The following NFIA variants were observed in gnomAD, a reference collection of about 807,000 sequenced individuals.
NFIA encodes nuclear factor 1 A-type.
A neutral mutation model predicts 62.8 loss-of-function variants in NFIA; 8 were observed. That is an observed-to-expected ratio of 0.13 (90% CI 0.07 to 0.23). The LOEUF (loss-of-function observed/expected upper bound fraction) is 0.23. NFIA is among the 10% of genes least tolerant of loss of function. The pLI is 1.00. For synonymous variants in NFIA, 235 were observed against 238.1 expected (o/e 0.99, Z 0.12); for missense variants, 410 against 642.1 (o/e 0.64, Z 3.91).
intron 3 of NFIA, among the ~76,000 whole-genome samples, chr1:61,303,539 C>T (rs1047111226): frequency 9.2e-5 from 14 of 152,090 alleles, no homozygotes; most frequent in Admixed American, 7.9e-4. Context: ...TGAGGGAGTG[C>T]GACACACAGA....
chr1:61,177,432 G>A (rs1409376671), intron 2 of NFIA, among the ~76,000 whole-genome samples: 3 of 152,124 alleles, frequency 2.0e-5, no homozygotes, highest in Non-Finnish European at 4.4e-5. Context: ...TCGTGATTTT[G>A]AAAAGTAATA....
At chr1:61,298,257 C>T (rs575842022) in intron 3 of NFIA, among the ~76,000 whole-genome samples, 6 of 152,184 alleles carry the variant, frequency 3.9e-5, no homozygotes, top group South Asian at 2.1e-4. Context: ...TGCCTGCCAC[C>T]GTGTAAGATG....
chr1:61,345,490 G>A (rs980528346), intron 4 of NFIA, among the ~76,000 whole-genome samples: 5 of 151,498 alleles, frequency 3.3e-5, no homozygotes, highest in African/African-American at 9.8e-5. Flanking sequence ...CTTCCTGGTG[G>A]TATGGTGAGG....
intron 2 of NFIA, among the ~76,000 whole-genome samples, chr1:61,106,100 C>CATCTATCT (rs58274631): frequency 0.07 from 10,371 of 149,108 alleles, 473 homozygotes; most frequent in African/African-American, 0.13. Flanking sequence ...CTCTCTCATG[C>CATCTATCT]ATCTATCTAT....
At chr1:61,455,237 G>A in intron 10 of NFIA, 66 bp from the exon 11 acceptor site, 2 of 1,582,200 alleles carry the variant, frequency 1.3e-6, no homozygotes, top group South Asian at 1.1e-5. Flanking sequence ...GGTTGAAAAG[G>A]CAACTTCTAA....
chr1:61,152,412 CTT>C (rs1202898371), intron 2 of NFIA, among the ~76,000 whole-genome samples: 3 of 152,186 alleles, frequency 2.0e-5, no homozygotes, highest in Non-Finnish European at 4.4e-5. Context: ...TTGTGTAAAA[CTT>C]TACCTCATTG....
intron 2 of NFIA, among the ~76,000 whole-genome samples, chr1:61,199,104 A>G (rs1391684984): frequency 2.0e-5 from 3 of 151,944 alleles, no homozygotes; most frequent in Non-Finnish European, 1.5e-5. Flanking sequence ...CCTTCAGTAG[A>G]ATTCTAAAGA....
intron 2 of NFIA, among the ~76,000 whole-genome samples, chr1:61,160,230 G>A (rs1649099465): frequency 3.3e-5 from 5 of 152,154 alleles, no homozygotes; most frequent in Admixed American, 3.3e-4. Flanking sequence ...CTTGACCTAG[G>A]TTAGTGCTCT....
chr1:61,396,691 T>C (rs924050293), intron 7 of NFIA, among the ~76,000 whole-genome samples: 2 of 152,012 alleles, frequency 1.3e-5, no homozygotes, highest in African/African-American at 2.4e-5. Context: ...ATGCTCAGAT[T>C]GTGGTGTGGT....
intron 3 of NFIA, among the ~76,000 whole-genome samples, chr1:61,327,124 A>G (rs1453307278): frequency 6.7e-6 from 1 of 148,462 alleles, no homozygotes; most frequent in African/African-American, 2.5e-5. Context: ...ATATTTTTTC[A>G]TTTTAATAGT....
At chr1:61,146,658 A>C (rs1164132765) in intron 2 of NFIA, among the ~76,000 whole-genome samples, 1 of 151,702 alleles carries the variant, frequency 6.6e-6, no homozygotes, top group East Asian at 1.9e-4. Context: ...TGTGTAAGTG[A>C]CTCCATGATC....
intron 2 of NFIA, among the ~76,000 whole-genome samples, chr1:61,197,692 C>T (rs905767301): frequency 1.3e-5 from 2 of 151,874 alleles, no homozygotes; most frequent in Non-Finnish European, 2.9e-5. Context: ...TTAGAAACAG[C>T]AGACGTAGGC....
At chr1:61,312,473 C>T (rs757299117) in intron 3 of NFIA, among the ~76,000 whole-genome samples, 8 of 151,750 alleles carry the variant, frequency 5.3e-5, no homozygotes, top group Non-Finnish European at 8.8e-5. Context: ...TGCTGACCTT[C>T]TCCCCAATGT....
In NFIA at chr1:61,458,133, G is replaced by T. The variant is rs1209483024; in HGVS notation, c.*2813G>T. 1 of 151,288 alleles carries T rather than the reference G, an allele frequency of 6.6e-6. No homozygotes were observed. Among genetic ancestry groups the T allele is most frequent in the African/African-American group, 2.4e-5 (1 of 41,146 alleles). 9.4% of individuals were successfully genotyped at this position (151,288 alleles called of 1,614,324 possible). ...TTCCTATAGCCAGCCAGCATACTTT[G>T]CCTTCCCCTATAGCACTTAGCTGGG... On this transcript the variant is annotated 3_prime_UTR_variant, in exon 11 of 11. Coordinates refer to ENST00000403491, the MANE Select transcript of NFIA (RefSeq NM_001134673.4).
chr1:61,203,728 C>T (rs1030558530), intron 2 of NFIA, among the ~76,000 whole-genome samples: 2 of 152,124 alleles, frequency 1.3e-5, no homozygotes, highest in African/African-American at 4.8e-5. Context: ...TTTTCTTAAA[C>T]ACTGGGATGG....
At chr1:61,100,459 CT>C (rs762035814) in intron 2 of NFIA, among the ~76,000 whole-genome samples, 13 of 152,082 alleles carry the variant, frequency 8.5e-5, no homozygotes, top group Admixed American at 2.0e-4. Flanking sequence ...AAGAAAATAC[CT>C]TGAGACAAGT....
At chr1:61,423,114 TAG>T (rs1033341986) in intron 9 of NFIA, among the ~76,000 whole-genome samples, 7 of 151,726 alleles carry the variant, frequency 4.6e-5, no homozygotes, top group African/African-American at 1.5e-4. Flanking sequence ...AGAAATACAT[TAG>T]AGAGAGAGAG....
Position 61,201,630 on chromosome 1 carries a change from A to G in NFIA, c.560-75890A>G, listed in dbSNP as rs76917708. Among the ~76,000 whole-genome samples, 372 of 152,218 alleles carry G rather than the reference A, an allele frequency of 2.4e-3. 10 individuals are homozygous for G. In the East Asian group the frequency reaches 0.063, roughly 26 times the overall value. ...AGTTGTGGAGAAAATATTAGGTTCA[A>G]TTACATAAGGATTGTGTGAGAGGGA... is the stretch of plus-strand genomic sequence containing the variant. On this transcript the variant is annotated intron_variant, in intron 2 of 10. Transcript: ENST00000403491.
intron 6 of NFIA, among the ~76,000 whole-genome samples, chr1:61,360,112 ACT>A (rs1483788175): frequency 6.6e-6 from 1 of 152,068 alleles, no homozygotes; most frequent in Non-Finnish European, 1.5e-5. Context: ...AAATGGAACA[ACT>A]CTCTTTATTC....
Sources: gnomAD v4.1 joint callset for allele counts (sites outside exome capture counted in the v4.1 genomes callset) on GRCh38, gnomAD v4.1.1 for gene constraint, MANE v1.5 for transcripts, NCBI Gene and HGNC (gene_info 2026-07-23, HGNC 2026-07-21) for gene names.